Variants in ASB7 observed in about 807,000 individuals in gnomAD.
The protein encoded by ASB7 is ankyrin repeat and SOCS box containing 7.
A neutral mutation model predicts 32.5 loss-of-function variants in ASB7; 4 were observed. The observed-to-expected ratio is 0.12, with a 90% CI of 0.06 to 0.28. ASB7 has a LOEUF of 0.28. Among genes scored for constraint, ASB7 ranks in the 10% least tolerant of loss-of-function variants. The pLI is 1.00. For synonymous variants in ASB7, 172 were observed against 155.6 expected, an observed-to-expected ratio of 1.11 and a Z score of -0.78; for missense variants, 181 against 407.1, an observed-to-expected ratio of 0.44 and a Z score of 4.78.
At position 100,627,543 on chromosome 15, in the gene ASB7, A is replaced by G. The variant is rs1301326899; in HGVS notation, c.212-1894A>G. Among the ~76,000 whole-genome samples, 3 of 152,166 alleles carry G rather than the reference A, an allele frequency of 2.0e-5. No individual in the cohort carries two copies. The East Asian group carries it at 5.8e-4, about 29-fold the overall frequency. ...GATTTTAACAGAGACTATGCAGGTC[A>G]TTGTTGTGTGTGTTAATCTCTGTTT... On this transcript the variant is annotated intron_variant, in intron 4 of 5. Coordinates refer to ENST00000332783, the MANE Select transcript of ASB7 (RefSeq NM_198243.3).
rs998329670 is a variant in ASB7, at chr15:100,648,597, CTGTT to C, written c.*142_*145del. On this transcript the variant is annotated 3_prime_UTR_variant, in exon 6 of 6. Transcript: ENST00000332783. ...AAGCAGGTATACACTTTTGGGTTTT[CTGTT>C]TGTTTGGTTGGTTTTCATTGTAGGG... The C allele has an allele frequency of 8.9e-5, 64 of 718,118 alleles. No homozygotes were observed. The highest frequency in any genetic ancestry group is 2.6e-4 in the South Asian group (8 of 30,916). The allele number at this position is 718,118 out of a possible 1,614,324, so 44.5% of individuals were successfully genotyped here.
At chr15:100,607,515 C>G (rs1050587611) in intron 2 of ASB7, among the ~76,000 whole-genome samples, 10 of 152,202 alleles carry the variant, frequency 6.6e-5, no homozygotes, top group Admixed American at 3.9e-4. Context: ...ATCATGTGTG[C>G]ATGACGTGTG....
intron 5 of ASB7, 27 bp downstream of exon 5, chr15:100,630,069 G>T: frequency 6.6e-7 from 1 of 1,518,940 alleles, no homozygotes; most frequent in Non-Finnish European, 8.8e-7. Flanking sequence ...TTACTTTATT[G>T]CATTTTTTAA....
At position 100,602,971 on chromosome 15, in the gene ASB7, G is replaced by T. The variant is rs959862260; in HGVS notation, c.-348G>T. ...ACACCAGGGTCCGGCCCTGCCTGGG[G>T]TATTTCTTCAATGGAGAAGTTGGTG... On this transcript the variant is annotated 5_prime_UTR_variant, in exon 1 of 6. Transcript: ENST00000332783. 17 of 399,008 alleles carry T rather than the reference G, an allele frequency of 4.3e-5. No homozygotes were observed. The highest frequency in any genetic ancestry group is 5.7e-5 in the Non-Finnish European group (13 of 226,448). 24.7% of individuals were successfully genotyped at this position (399,008 alleles called of 1,614,324 possible).
At chr15:100,646,120 GT>G in intron 5 of ASB7, 1 of 400,474 alleles carries the variant, frequency 2.5e-6, no homozygotes, top group Non-Finnish European at 4.9e-6. Context: ...GCAGCATAGG[GT>G]TTTCACTTTG....
In ASB7 at chr15:100,619,777, C is replaced by T. The variant is rs186343584; in HGVS notation, c.211+7350C>T. On this transcript the variant is annotated intron_variant, in intron 4 of 5. Transcript: ENST00000332783. ...GCTTGTGACCATAGTTTGGGGAGAG[C>T]GATGTGACCACAGGCAGCCTGGTGG... is the stretch of plus-strand genomic sequence containing the variant. 5.9e-5 allele frequency among the ~76,000 whole-genome samples: 9 copies of T among 152,282 alleles called. No individual in the cohort carries two copies. In the East Asian group the frequency reaches 7.7e-4, roughly 13 times the overall value.
At chr15:100,625,279 A>G (rs2141397179) in intron 4 of ASB7, among the ~76,000 whole-genome samples, 1 of 152,342 alleles carries the variant, frequency 6.6e-6, no homozygotes, top group East Asian at 1.9e-4. Context: ...TTGGAAAGAA[A>G]GAAGTCAAAC....
intron 5 of ASB7, among the ~76,000 whole-genome samples, chr15:100,635,632 G>A (rs182237416): frequency 7.0e-4 from 106 of 152,222 alleles, no homozygotes; most frequent in African/African-American, 2.1e-3. Context: ...CAGCTTTCTC[G>A]GCTTTCATCC....
chr15:100,646,536 TA>T (rs1247316933), intron 5 of ASB7: 1 of 417,664 alleles, frequency 2.4e-6, no homozygotes, highest in Non-Finnish European at 4.9e-6. Context: ...TGCCCTTTAG[TA>T]ATTAATTGAT....
rs576499268 is a variant in ASB7 at position 100,612,210 on chromosome 15, A to T, written c.-7A>T. 1 of 1,610,000 alleles carries T rather than the reference A, an allele frequency of 6.2e-7. No homozygotes were observed. Among genetic ancestry groups the T allele is most frequent in the South Asian group, 1.1e-5 (1 of 90,982 alleles). On this transcript the variant is annotated 5_prime_UTR_variant, in exon 4 of 6. Transcript: ENST00000332783. ...TGAATCCTTTGTAAAAAGTGGACTC[A>T]GCTAGGATGTTACACCATCATTGTC...
intron 4 of ASB7, among the ~76,000 whole-genome samples, chr15:100,616,205 G>T (rs1392276944): frequency 6.6e-6 from 1 of 152,044 alleles, no homozygotes; most frequent in Non-Finnish European, 1.5e-5. Flanking sequence ...TGACATATGA[G>T]TAACAAACAT....
chr15:100,622,077 T>C (rs1016359245), intron 4 of ASB7, among the ~76,000 whole-genome samples: 9 of 152,108 alleles, frequency 5.9e-5, no homozygotes, highest in Non-Finnish European at 1.3e-4. Context: ...AACTCTTAGA[T>C]TGGATAAATC....
intron 5 of ASB7, among the ~76,000 whole-genome samples, chr15:100,640,485 G>A (rs939453050): frequency 6.6e-6 from 1 of 152,104 alleles, no homozygotes; most frequent in African/African-American, 2.4e-5. Flanking sequence ...ATAAAACAGA[G>A]GTATTGGGCG....
chr15:100,610,644 T>A (rs1241732035), intron 3 of ASB7, among the ~76,000 whole-genome samples: 1 of 152,228 alleles, frequency 6.6e-6, no homozygotes, highest in African/African-American at 2.4e-5. Flanking sequence ...TAAAACAACA[T>A]AGGATATTTG....
intron 2 of ASB7, among the ~76,000 whole-genome samples, chr15:100,607,132 A>G (rs1003034322): frequency 5.3e-5 from 8 of 151,322 alleles, no homozygotes; most frequent in Non-Finnish European, 7.4e-5. Context: ...CAGCCTGGCA[A>G]TAGAGCGAGC....
intron 5 of ASB7, among the ~76,000 whole-genome samples, chr15:100,638,965 G>A (rs1320996513): frequency 2.0e-5 from 3 of 152,138 alleles, no homozygotes; most frequent in African/African-American, 4.8e-5. Context: ...GCGGGCTCTG[G>A]TCTAGGTGAT....
rs376338708 is a variant in ASB7, at chr15:100,630,061, A to G, written c.817+19A>G. 1.3e-6 allele frequency: 2 copies of G among 1,533,482 alleles called. No homozygotes were observed. The highest frequency in any genetic ancestry group is 2.8e-5 in the African/African-American group (2 of 71,844). 95.0% of individuals were successfully genotyped at this position (1,533,482 alleles called of 1,614,324 possible). On this transcript the variant is annotated intron_variant, in intron 5 of 5. Coordinates refer to ENST00000332783, the MANE Select transcript of ASB7 (RefSeq NM_198243.3). ...GTCACAAGTATGTAATATAATTATT[A>G]CTTTATTGCATTTTTTAAAAATTTG...
chr15:100,637,493 A>G (rs1006874890), intron 5 of ASB7, among the ~76,000 whole-genome samples: 2 of 152,252 alleles, frequency 1.3e-5, no homozygotes, highest in Non-Finnish European at 2.9e-5. Context: ...ACAGGTCAAC[A>G]TTTGGAAGAT....
intron 5 of ASB7, chr15:100,638,280 A>G (rs1254445224): frequency 6.6e-6 from 1 of 152,176 alleles, no homozygotes; most frequent in Non-Finnish European, 1.5e-5. Flanking sequence ...TTATTACATT[A>G]TTGCTTGCTG....
Sources: allele counts gnomAD v4.1 joint callset (sites outside exome capture counted in the v4.1 genomes callset), GRCh38; gene constraint gnomAD v4.1.1; transcripts MANE v1.5; gene names NCBI Gene and HGNC (gene_info 2026-07-23, HGNC 2026-07-21).